Variants in INO80D observed in about 807,000 individuals in gnomAD.
INO80D encodes the protein INO80 complex subunit D.
INO80D carries 21 observed loss-of-function variants against 87.6 expected under a neutral mutation model. That is an observed-to-expected ratio of 0.24 (90% confidence interval 0.17 to 0.35). The LOEUF (loss-of-function observed/expected upper bound fraction) is 0.35. Among genes scored for constraint, INO80D ranks in the 10% least tolerant of loss-of-function variants. The pLI is 1.00. For synonymous variants in INO80D, 440 were observed against 491.0 expected (o/e 0.90, Z 1.37); for missense variants, 982 against 1,280.7 (o/e 0.77, Z 3.56).
chr2:206,023,967 C>T (rs1688535847), intron 6 of INO80D, among the ~76,000 whole-genome samples: 1 of 152,088 alleles, frequency 6.6e-6, no homozygotes. Flanking sequence ...ACACAAATAC[C>T]AAATTTTCCC....
At chr2:206,029,122 T>C (rs941099061) in intron 5 of INO80D, among the ~76,000 whole-genome samples, 2 of 152,128 alleles carry the variant, frequency 1.3e-5, no homozygotes, top group African/African-American at 4.8e-5. Flanking sequence ...TCTCCTGACC[T>C]TGTCATCCAC....
rs201681502 is a variant in INO80D, at chr2:206,007,389, T to C, written c.1813A>G (p.Asn605Asp). 4,780 of 1,613,764 alleles carry C rather than the reference T, an allele frequency of 3.0e-3. 19 individuals are homozygous for C. Among genetic ancestry groups the C allele is most frequent in the Non-Finnish European group, 3.2e-3 (3,731 of 1,179,820 alleles). ...SADELPDDIA[N>D]EITDIPHDLE... ...TCATGTGGAATGTCAGTGATCTCAT[T>C]GGCAATGTCATCCGGCAACTCATCA... The change falls in exon 10 of 11, where the codon AAT (asparagine) becomes GAT (aspartate). Residue 605 changes from asparagine (N) to aspartate (D), a missense_variant. By Grantham distance (23) the Asn-to-Asp change is conservative (BLOSUM62 1). Coordinates refer to ENST00000403263, the MANE Select transcript of INO80D (RefSeq NM_017759.5).
At chr2:206,010,901 A>G (rs1688156687) in intron 8 of INO80D, among the ~76,000 whole-genome samples, 2 of 152,072 alleles carry the variant, frequency 1.3e-5, no homozygotes, top group South Asian at 4.2e-4. Flanking sequence ...AACATGGCGA[A>G]ACTCCATCTC....
intron 5 of INO80D, among the ~76,000 whole-genome samples, chr2:206,042,762 ACTC>A (rs1006071310): frequency 3.3e-5 from 5 of 151,490 alleles, no homozygotes; most frequent in African/African-American, 9.7e-5. Flanking sequence ...ACGCAGGAGG[ACTC>A]CTTGAAGCAA....
At chr2:206,026,579 A>C (rs775912549) in intron 6 of INO80D, among the ~76,000 whole-genome samples, 19 of 151,194 alleles carry the variant, frequency 1.3e-4, no homozygotes, top group Non-Finnish European at 2.7e-4. Context: ...AATAGCCATA[A>C]TTAAAATATA....
chr2:206,012,297 A>G (rs1006999354), intron 8 of INO80D, among the ~76,000 whole-genome samples: 1 of 152,198 alleles, frequency 6.6e-6, no homozygotes, highest in Admixed American at 6.5e-5. Flanking sequence ...GCAGTTCTGT[A>G]TCTTGATTTA....
intron 1 of INO80D, among the ~76,000 whole-genome samples, chr2:206,080,693 G>A (rs1690252853): frequency 6.6e-6 from 1 of 151,820 alleles, no homozygotes; most frequent in Non-Finnish European, 1.5e-5. Flanking sequence ...GGATCACGAG[G>A]TCAGGAGACC....
At chr2:206,066,759 C>T (rs1192590093) in intron 1 of INO80D, among the ~76,000 whole-genome samples, 2 of 149,132 alleles carry the variant, frequency 1.3e-5, no homozygotes, top group African/African-American at 2.5e-5. Context: ...GAGCCGAGAT[C>T]GCACTACTGC....
intron 5 of INO80D, among the ~76,000 whole-genome samples, chr2:206,035,653 A>G (rs1234017216): frequency 6.6e-6 from 1 of 152,082 alleles, no homozygotes; most frequent in Non-Finnish European, 1.5e-5. Context: ...AAACCTTCCT[A>G]GACATTGGCT....
intron 8 of INO80D, among the ~76,000 whole-genome samples, chr2:206,011,472 C>T (rs977729017): frequency 1.3e-5 from 2 of 152,214 alleles, no homozygotes; most frequent in Non-Finnish European, 2.9e-5. Context: ...CCCCCACCCC[C>T]TGAGGCTTTC....
At position 206,056,907 on chromosome 2, in the gene INO80D, G is replaced by A. The variant is rs770921823; in HGVS notation, c.255C>T (p.Ile85=). The A allele has an allele frequency of 8.1e-6, 13 of 1,605,534 alleles. No homozygotes were observed. The South Asian group carries it at 1.2e-4, about 15-fold the overall frequency. The stretch of plus-strand genomic sequence containing the variant: ...TCTTTTTCTTCCTCTCTTTTTTCGG[G>A]ATAAAGCCAAGTACCTGCAAGTGGC... The part of the protein sequence containing the change: ...CNSHLQVLGF[I]PKKERKKKND... Residue 85 remains isoleucine, a synonymous_variant, in exon 4 of 11, where the codon ATC becomes ATT. Transcript: ENST00000403263.
At chr2:206,080,902 C>CAAAAAAA (rs60198558) in intron 1 of INO80D, among the ~76,000 whole-genome samples, 13 of 38,054 alleles carry the variant, frequency 3.4e-4, no homozygotes, top group Admixed American at 1.4e-3. Flanking sequence ...GACTCAGTCT[C>CAAAAAAA]AAAAAAAAAA....
chr2:206,004,422 A>G lies in INO80D; in HGVS notation c.3030T>C (p.Gly1010=), dbSNP rs1380956875. The G allele has an allele frequency of 6.2e-7, 1 of 1,603,890 alleles. No homozygotes were observed. Among genetic ancestry groups the G allele is most frequent in the Non-Finnish European group, 8.5e-7 (1 of 1,175,314 alleles). ...IAPPTGFTVT[G]ATATSTNNAS... ...CATTATTGGTACTTGTAGCTGTGGC[A>G]CCTGTTACTGTGAAGCCTGTAGGAG... Residue 1010 remains glycine (G), a synonymous_variant, in exon 11 of 11, where the codon GGT becomes GGC. Transcript: ENST00000403263. This position sits in a 1 kb window ranked among gnomAD's most constrained non-coding sequence, Gnocchi z 4.9.
At chr2:206,079,568 T>A (rs960716589) in intron 1 of INO80D, among the ~76,000 whole-genome samples, 1 of 152,200 alleles carries the variant, frequency 6.6e-6, no homozygotes, top group African/African-American at 2.4e-5. Context: ...CCTCTGCCAC[T>A]GCTACCTCCT....
intron 1 of INO80D, among the ~76,000 whole-genome samples, chr2:206,070,232 A>G (rs780946488): frequency 9.9e-5 from 15 of 151,908 alleles, no homozygotes; most frequent in Non-Finnish European, 2.2e-4. Flanking sequence ...CCTGGCCAAC[A>G]TGTTGAAACA....
chr2:206,081,934 G>T (rs1322787494), intron 1 of INO80D, among the ~76,000 whole-genome samples: 1 of 152,114 alleles, frequency 6.6e-6, no homozygotes, highest in African/African-American at 2.4e-5. Flanking sequence ...AACTTGCCCA[G>T]CGGAAGGACT....
chr2:206,069,749 C>T (rs544755480), intron 1 of INO80D, among the ~76,000 whole-genome samples: 7 of 152,164 alleles, frequency 4.6e-5, no homozygotes, highest in Non-Finnish European at 7.3e-5. Flanking sequence ...ATGTTATAAA[C>T]GAGAAAAATT....
intron 6 of INO80D, among the ~76,000 whole-genome samples, chr2:206,024,124 TATC>T (rs764893307): frequency 2.0e-5 from 3 of 152,210 alleles, no homozygotes; most frequent in Non-Finnish European, 2.9e-5. Flanking sequence ...AAATGTTAGT[TATC>T]ATTATTTTAT....
At chr2:206,042,542 C>T (rs1003491998) in intron 5 of INO80D, among the ~76,000 whole-genome samples, 6 of 151,712 alleles carry the variant, frequency 4.0e-5, no homozygotes, top group South Asian at 2.1e-4. Flanking sequence ...GTTAGCCAGG[C>T]GTGGTGGCTG....
Sources: gnomAD v4.1 joint callset for allele counts (sites outside exome capture counted in the v4.1 genomes callset) on GRCh38, gnomAD v4.1.1 for gene constraint, Gnocchi (gnomAD v3.1) non-coding constraint, MANE v1.5 for transcripts, NCBI Gene and HGNC (gene_info 2026-07-23, HGNC 2026-07-21) for gene names.